GRIP1: variants seen among roughly 807,000 people sequenced by gnomAD.
The protein encoded by GRIP1 is glutamate receptor-interacting protein 1.
A neutral mutation model predicts 129.9 loss-of-function variants in GRIP1; 45 were observed. The observed-to-expected ratio is 0.35, with a 90% CI of 0.27 to 0.44. GRIP1 has a LOEUF of 0.44. Among genes scored for constraint, GRIP1 ranks in the 20% least tolerant of loss-of-function variants. The pLI, the probability that GRIP1 is intolerant of heterozygous loss-of-function variation, is 1.00. For missense variants in GRIP1, 1,196 were observed against 1,396.8 expected (o/e 0.86, Z 2.29); for synonymous variants, 530 against 520.8 (o/e 1.02, Z -0.24).
chr12:66,646,712 C>T (rs1359100644), intron 1 of GRIP1, among the ~76,000 whole-genome samples: 2 of 152,152 alleles, frequency 1.3e-5, no homozygotes, highest in African/African-American at 2.4e-5. Context: ...ATTCCCTTCA[C>T]CTGTCCCCAC....
chr12:66,962,013 A>G (rs17103108), intron 1 of GRIP1, among the ~76,000 whole-genome samples: 3,292 of 152,314 alleles, frequency 0.022, 122 homozygotes, highest in African/African-American at 0.075. Context: ...AAGGTGATCC[A>G]TAAATAGGCC....
At chr12:66,973,919 CTT>C (rs535699240) in intron 1 of GRIP1, among the ~76,000 whole-genome samples, 2,401 of 121,298 alleles carry the variant, frequency 0.02, 63 homozygotes, top group African/African-American at 0.068. Flanking sequence ...CTTTTCTTTT[CTT>C]TTTTTTTTTT....
At chr12:66,590,453 T>C (rs1565891742) in intron 2 of GRIP1, among the ~76,000 whole-genome samples, 1 of 152,190 alleles carries the variant, frequency 6.6e-6, no homozygotes. Context: ...GAGCACTCAG[T>C]ATGTACTCCC....
At chr12:66,912,408 AT>A (rs896105954) in intron 1 of GRIP1, among the ~76,000 whole-genome samples, 2 of 152,208 alleles carry the variant, frequency 1.3e-5, no homozygotes, top group Non-Finnish European at 2.9e-5. Context: ...TCTAAAAAAA[AT>A]GTATAGATAT....
intron 1 of GRIP1, among the ~76,000 whole-genome samples, chr12:66,737,601 T>C (rs2036647622): frequency 6.6e-6 from 1 of 152,120 alleles, no homozygotes; most frequent in Admixed American, 6.6e-5. Context: ...ACTCCTTATC[T>C]CTCCAGCATT....
chr12:66,941,516 A>G (rs1405084872), intron 1 of GRIP1, among the ~76,000 whole-genome samples: 2 of 152,218 alleles, frequency 1.3e-5, no homozygotes, highest in Non-Finnish European at 2.9e-5. Context: ...CCTGAGCTAC[A>G]TAGCATAAAT....
At chr12:66,743,312 A>C (rs1366328639) in intron 1 of GRIP1, among the ~76,000 whole-genome samples, 3 of 152,010 alleles carry the variant, frequency 2.0e-5, no homozygotes, top group South Asian at 4.2e-4. Context: ...GGCGAGTGGC[A>C]ACCTCCCCCA....
intron 1 of GRIP1, among the ~76,000 whole-genome samples, chr12:66,891,288 G>T (rs1462317516): frequency 2.0e-5 from 3 of 152,154 alleles, no homozygotes; most frequent in Non-Finnish European, 4.4e-5. Flanking sequence ...TATTAAGTAG[G>T]TTGCAGTTGG....
intron 1 of GRIP1, among the ~76,000 whole-genome samples, chr12:66,801,738 CAG>C (rs775515401): frequency 1.3e-5 from 2 of 152,028 alleles, no homozygotes; most frequent in Non-Finnish European, 2.9e-5. Context: ...ACTGACAAGA[CAG>C]AGGGTTAAGT....
At chr12:66,804,561 A>G (rs2038948411), upstream of GRIP1, among the ~76,000 whole-genome samples, 1 of 152,156 alleles carries the variant, frequency 6.6e-6, no homozygotes, top group South Asian at 2.1e-4. Context: ...CAGCTGAGGC[A>G]AGAGGAGTCC....
intron 2 of GRIP1, among the ~76,000 whole-genome samples, chr12:66,553,160 A>G (rs552209897): frequency 6.5e-4 from 99 of 152,342 alleles, no homozygotes; most frequent in African/African-American, 2.3e-3. Context: ...CAGTAAGCAG[A>G]AAGAGAATGA....
At chr12:66,414,628 G>C (rs1252334349) in intron 15 of GRIP1, among the ~76,000 whole-genome samples, 2 of 152,018 alleles carry the variant, frequency 1.3e-5, no homozygotes, top group Non-Finnish European at 2.9e-5. Context: ...AAAAGAGCCT[G>C]TATAGCCAAA....
chr12:66,407,905 A>G (rs1041470340), intron 15 of GRIP1, among the ~76,000 whole-genome samples: 1 of 152,160 alleles, frequency 6.6e-6, no homozygotes, highest in African/African-American at 2.4e-5. Flanking sequence ...CCCTAGCCCT[A>G]CACAGCACAG....
intron 2 of GRIP1, among the ~76,000 whole-genome samples, chr12:66,578,965 TC>T (rs2063254669): frequency 3.3e-5 from 5 of 152,056 alleles, no homozygotes; most frequent in African/African-American, 1.2e-4. Context: ...CTCAAGTGGG[TC>T]CCTGACCCCT....
At chr12:66,744,423 C>T (rs2036882870) in intron 1 of GRIP1, among the ~76,000 whole-genome samples, 1 of 152,128 alleles carries the variant, frequency 6.6e-6, no homozygotes, top group Non-Finnish European at 1.5e-5. Context: ...ATGTCCTACA[C>T]AGATATTTTT....
rs181149050 is a variant in GRIP1, at chr12:66,684,413, G to A, written c.-419-54077C>T. On this transcript the variant is annotated intron_variant, in intron 1 of 4. Transcript: ENST00000538373. ...TCTTCTTTCTCTACCCTTAAATGTC[G>A]GAATTCCCCCAAGCTCTGTCACAGC... Among the ~76,000 whole-genome samples the A allele has an allele frequency of 6.6e-5, 10 of 152,120 alleles. No individual in the cohort carries two copies. The East Asian group carries it at 1.6e-3, about 24-fold the overall frequency.
intron 1 of GRIP1, among the ~76,000 whole-genome samples, chr12:67,013,833 T>C (rs973546563): frequency 6.6e-6 from 1 of 152,272 alleles, no homozygotes; most frequent in Admixed American, 6.5e-5. Flanking sequence ...AGTAATCCCA[T>C]CTCCATTCCT....
rs2054594207 is a variant in GRIP1, at chr12:66,358,390, AT to A, written c.3013-4828del. ...TCTTATCCCCGATCTGGAATCAGCT[AT>A]TCCTCCAAGGAGCCTTCACTGGAGA... On this transcript the variant is annotated intron_variant, in intron 23 of 24. Coordinates refer to ENST00000359742, the MANE Select transcript of GRIP1 (RefSeq NM_001366722.1). Among the ~76,000 whole-genome samples the A allele has an allele frequency of 3.9e-5, 6 of 152,220 alleles. No individual in the cohort carries two copies. In the South Asian group the frequency reaches 1.2e-3, roughly 32 times the overall value.
intron 7 of GRIP1, among the ~76,000 whole-genome samples, chr12:66,476,286 GACACAT>G (rs1179716465): frequency 2.6e-5 from 4 of 152,086 alleles, no homozygotes; most frequent in African/African-American, 9.7e-5. Context: ...TAAATTCCTG[GACACAT>G]ACACCCTCCC....
Sources: gnomAD v4.1 joint callset for allele counts (sites outside exome capture counted in the v4.1 genomes callset) on GRCh38, gnomAD v4.1.1 for gene constraint, MANE v1.5 for transcripts, NCBI Gene and HGNC (gene_info 2026-07-23, HGNC 2026-07-21) for gene names.